The following SPTBN1 variants were observed in gnomAD, a reference collection of about 807,000 sequenced individuals.
The protein encoded by SPTBN1 is spectrin beta, non-erythrocytic 1, also known as spectrin beta chain, non-erythrocytic 1.
A neutral mutation model predicts 266.4 loss-of-function variants in SPTBN1; 32 were observed. The observed-to-expected ratio is 0.12, with a 90% CI of 0.09 to 0.16. SPTBN1 has a LOEUF of 0.16. Among genes scored for constraint, SPTBN1 ranks in the 10% least tolerant of loss-of-function variants. SPTBN1 has a pLI of 1.00. For synonymous variants in SPTBN1, 1,336 were observed against 1,162.2 expected (o/e 1.15, Z -3.04); for missense variants, 2,296 against 3,067.1 (o/e 0.75, Z 5.94).
intron 3 of SPTBN1, among the ~76,000 whole-genome samples, chr2:54,607,603 C>T (rs1280777720): frequency 6.6e-5 from 10 of 151,644 alleles, no homozygotes; most frequent in Admixed American, 2.6e-4. Flanking sequence ...GGCGACAGAG[C>T]GAGACTCTGT....
At chr2:54,571,856 G>C (rs1409296707) in intron 2 of SPTBN1, among the ~76,000 whole-genome samples, 1 of 152,178 alleles carries the variant, frequency 6.6e-6, no homozygotes. Context: ...TCTTCCCTGA[G>C]AAAAGAGCCA....
At chr2:54,478,731 T>C (rs1356128316) in intron 1 of SPTBN1, among the ~76,000 whole-genome samples, 1 of 152,212 alleles carries the variant, frequency 6.6e-6, no homozygotes, top group Non-Finnish European at 1.5e-5. Flanking sequence ...CATTTTAAAA[T>C]TATATAAATG....
At chr2:54,609,066 G>C (rs1677045594) in intron 3 of SPTBN1, among the ~76,000 whole-genome samples, 2 of 152,184 alleles carry the variant, frequency 1.3e-5, no homozygotes, top group Admixed American at 1.3e-4. Flanking sequence ...AGTAGAAGTG[G>C]AGGAGGTAGA....
At chr2:54,624,733 G>A (rs1678215190) in intron 10 of SPTBN1, 71 bp from the exon 11 acceptor site, 2 of 1,591,402 alleles carry the variant, frequency 1.3e-6, no homozygotes, top group Non-Finnish European at 1.7e-6. Flanking sequence ...GCTGTTGACT[G>A]TAACCACGGA....
At position 54,626,339 on chromosome 2, in the gene SPTBN1, A is replaced by C. The variant is rs1405601422; in HGVS notation, c.1644+105A>C. 1.5e-6 allele frequency: 2 copies of C among 1,356,266 alleles called. No individual in the cohort carries two copies. The highest frequency in any genetic ancestry group is 5.0e-5 in the Admixed American group (2 of 39,952). The allele number at this position is 1,356,266 out of a possible 1,614,324, so 84.0% of individuals were successfully genotyped here. On this transcript the variant is annotated intron_variant, in intron 12 of 35. Transcript: ENST00000356805. This position sits in a 1 kb window ranked among gnomAD's most constrained non-coding sequence, Gnocchi z 4.7. ...TACGTACAGCTGTGTGCCTTGTCTAACTGCCCACATGTACAGCTAGAGAGG... is the reference window on the plus strand; with the variant it reads ...TACGTACAGCTGTGTGCCTTGTCTACCTGCCCACATGTACAGCTAGAGAGG...
chr2:54,615,208 G>A (rs1677520185), intron 4 of SPTBN1, among the ~76,000 whole-genome samples: 1 of 152,086 alleles, frequency 6.6e-6, no homozygotes, highest in Non-Finnish European at 1.5e-5. Flanking sequence ...TTTTAATCCT[G>A]TATTTATATA....
chr2:54,570,182 C>A (rs1369986753), intron 2 of SPTBN1, among the ~76,000 whole-genome samples: 2 of 152,230 alleles, frequency 1.3e-5, no homozygotes, highest in East Asian at 1.9e-4. Flanking sequence ...AACTGCCCCC[C>A]ATGGGTGTGT....
intron 2 of SPTBN1, among the ~76,000 whole-genome samples, chr2:54,565,537 A>G (rs1237319180): frequency 2.0e-5 from 3 of 152,218 alleles, no homozygotes; most frequent in African/African-American, 7.2e-5. Context: ...TAGAAAAAAT[A>G]GAGATAAACC....
intron 18 of SPTBN1, among the ~76,000 whole-genome samples, chr2:54,642,534 T>TG (rs1679644716): frequency 2.0e-5 from 3 of 151,312 alleles, no homozygotes; most frequent in Non-Finnish European, 2.9e-5. Context: ...AAGTAGTTTT[T>TG]TTTTTTTTTT....
intron 2 of SPTBN1, among the ~76,000 whole-genome samples, chr2:54,582,739 G>A (rs116582041): frequency 1.7e-3 from 265 of 152,238 alleles, no homozygotes; most frequent in African/African-American, 6.1e-3. Flanking sequence ...ATTAAGGCTT[G>A]AACCCCATTT....
In SPTBN1 at chr2:54,655,219, ACTTTG is replaced by A. The variant is rs1270086544; in HGVS notation, c.5961+17_5961+21del. ...TATGCATCTGAGGAGGTAGGTTGCTACTTTGCTTTGGAGCTGCAGCTGGCGTCAAG... is the reference window on the plus strand; with the variant it reads ...TATGCATCTGAGGAGGTAGGTTGCTACTTTGGAGCTGCAGCTGGCGTCAAG... On this transcript the variant is annotated intron_variant, in intron 28 of 35. Coordinates refer to ENST00000356805, the MANE Select transcript of SPTBN1 (RefSeq NM_003128.3). 6.2e-7 allele frequency: 1 copy of A among 1,610,184 alleles called. No homozygotes were observed. Among genetic ancestry groups the A allele is most frequent in the African/African-American group, 1.3e-5 (1 of 74,800 alleles).
At chr2:54,623,023 A>G (rs1271351389) in intron 9 of SPTBN1, among the ~76,000 whole-genome samples, 1 of 152,218 alleles carries the variant, frequency 6.6e-6, no homozygotes, top group Non-Finnish European at 1.5e-5. Flanking sequence ...TAATTGTTGA[A>G]TAAGGATTGT....
In SPTBN1 at chr2:54,645,281, G is replaced by A; in HGVS notation, c.4322G>A (p.Ser1441Asn). 1.2e-6 allele frequency: 2 copies of A among 1,614,202 alleles called. No individual in the cohort carries two copies. The highest frequency in any genetic ancestry group is 1.7e-6 in the Non-Finnish European group (2 of 1,180,024). The part of the protein sequence containing the change: ...VRKKEIEELQ[S>N]QAQALSQEGK... ...AAGAAGGAGATCGAAGAGCTCCAAAGCCAAGCCCAGGCCCTGAGTCAGGAA... is the reference window on the plus strand; with the variant it reads ...AAGAAGGAGATCGAAGAGCTCCAAAACCAAGCCCAGGCCCTGAGTCAGGAA... The change falls in exon 21 of 36, where the codon AGC becomes AAC. Residue 1441 changes from serine to asparagine, a missense_variant. This residue lies in a region of SPTBN1 where 386 missense variants were observed against 486.1 expected (regional missense o/e 0.79). Coordinates refer to ENST00000356805, the MANE Select transcript of SPTBN1 (RefSeq NM_003128.3). The surrounding 1 kb of genome is among the most constrained non-coding windows in gnomAD (Gnocchi z 4.3).
chr2:54,580,222 G>A (rs978872361), intron 2 of SPTBN1, among the ~76,000 whole-genome samples: 1 of 152,136 alleles, frequency 6.6e-6, no homozygotes, highest in Non-Finnish European at 1.5e-5. Flanking sequence ...CCTTTTGAAG[G>A]TTAGTCTGGG....
rs1465498474 is a variant in SPTBN1, at chr2:54,643,548, C to T, written c.4005+419C>T. ...TCCTATGAGACTACTGTATACCAGG[C>T]GCTATAATAATTACTATGATGTGTT... On this transcript the variant is annotated intron_variant, in intron 19 of 35. Coordinates refer to ENST00000356805, the MANE Select transcript of SPTBN1 (RefSeq NM_003128.3). 3.9e-5 allele frequency among the ~76,000 whole-genome samples: 6 copies of T among 152,164 alleles called. No individual in the cohort carries two copies. The South Asian group carries it at 8.3e-4, about 21-fold the overall frequency.
chr2:54,570,725 T>C (rs1461748143), intron 2 of SPTBN1, among the ~76,000 whole-genome samples: 1 of 152,174 alleles, frequency 6.6e-6, no homozygotes, highest in African/African-American at 2.4e-5. Flanking sequence ...GACCAAACAT[T>C]CTGTTGGAAT....
chr2:54,470,297 C>T (rs901674520), intron 1 of SPTBN1, among the ~76,000 whole-genome samples: 2 of 152,110 alleles, frequency 1.3e-5, no homozygotes, highest in Admixed American at 6.6e-5. Flanking sequence ...TGTGTACATG[C>T]ATTTTTTATT....
intron 1 of SPTBN1, among the ~76,000 whole-genome samples, chr2:54,506,254 T>A (rs4233952): frequency 0.77 from 117,008 of 152,132 alleles, 45,272 homozygotes; most frequent in African/African-American, 0.85. Context: ...TTTCGGAGGT[T>A]GTGAGGAAAG....
chr2:54,654,188 A>G (rs886182276), intron 27 of SPTBN1, among the ~76,000 whole-genome samples: 6 of 152,202 alleles, frequency 3.9e-5, no homozygotes, highest in African/African-American at 1.4e-4. Context: ...TACCTTGGAC[A>G]TGACTAACTG....
Sources: gnomAD v4.1 joint callset for allele counts (sites outside exome capture counted in the v4.1 genomes callset) on GRCh38, gnomAD v4.1.1 for gene constraint, gnomAD v4.1.1 regional missense constraint, Gnocchi (gnomAD v3.1) non-coding constraint, MANE v1.5 for transcripts, NCBI Gene and HGNC (gene_info 2026-07-23, HGNC 2026-07-21) for gene names.